The following PITPNC1 variants were observed in gnomAD, a reference collection of about 807,000 sequenced individuals.
PITPNC1 encodes the protein phosphatidylinositol transfer protein cytoplasmic 1, also known as cytoplasmic phosphatidylinositol transfer protein 1.
Under a neutral mutation model 44.7 loss-of-function variants are expected in PITPNC1, and 18 were observed. That is an observed-to-expected ratio of 0.40 (90% CI 0.28 to 0.60). The LOEUF (loss-of-function observed/expected upper bound fraction) is 0.60, where lower values mean the gene tolerates loss of function less well. Among genes scored for constraint, PITPNC1 ranks in the 20% least tolerant of loss-of-function variants. PITPNC1 has a pLI of 0.39. For missense variants in PITPNC1, 290 were observed against 418.4 expected (o/e 0.69, Z 2.68); for synonymous variants, 141 against 149.6 (o/e 0.94, Z 0.42).
intron 1 of PITPNC1, among the ~76,000 whole-genome samples, chr17:67,395,673 C>A (rs1243659381): frequency 6.6e-6 from 1 of 152,022 alleles, no homozygotes; most frequent in African/African-American, 2.4e-5. Context: ...AATCATCATT[C>A]GGGATTATTG....
At chr17:67,615,614 C>T (rs2041748077) in intron 5 of PITPNC1, among the ~76,000 whole-genome samples, 1 of 152,108 alleles carries the variant, frequency 6.6e-6, no homozygotes, top group African/African-American at 2.4e-5. Flanking sequence ...TCAAATTCAC[C>T]TCCACATGGC....
intron 1 of PITPNC1, among the ~76,000 whole-genome samples, chr17:67,494,055 T>G (rs1449065028): frequency 2.0e-5 from 3 of 152,216 alleles, no homozygotes; most frequent in African/African-American, 7.2e-5. Flanking sequence ...CTTGCGGAGC[T>G]GACCTTCCAG....
intron 4 of PITPNC1, among the ~76,000 whole-genome samples, chr17:67,571,274 T>TA (rs559235866): frequency 2.4e-4 from 37 of 151,774 alleles, no homozygotes; most frequent in Non-Finnish European, 4.6e-4. Flanking sequence ...CTACTAAAAG[T>TA]AAAAAAAATT....
At chr17:67,445,956 G>T (rs567610763) in intron 1 of PITPNC1, among the ~76,000 whole-genome samples, 96 of 151,062 alleles carry the variant, frequency 6.4e-4, no homozygotes, top group African/African-American at 1.4e-3. Flanking sequence ...ATTTTTTTTG[G>T]TTTTTTTTGA....
intron 5 of PITPNC1, among the ~76,000 whole-genome samples, chr17:67,587,099 G>A (rs1243184788): frequency 6.6e-6 from 1 of 152,168 alleles, no homozygotes; most frequent in East Asian, 1.9e-4. Context: ...AACAGTGGAG[G>A]AGAAGCAGGT....
intron 4 of PITPNC1, among the ~76,000 whole-genome samples, chr17:67,574,900 C>T (rs1005319762): frequency 6.6e-6 from 1 of 152,146 alleles, no homozygotes; most frequent in Admixed American, 6.5e-5. Context: ...CTCCTAGCCT[C>T]GTGGCAAGGT....
At chr17:67,465,533 A>G (rs1480488006) in intron 1 of PITPNC1, among the ~76,000 whole-genome samples, 6 of 152,184 alleles carry the variant, frequency 3.9e-5, no homozygotes, top group Non-Finnish European at 8.8e-5. Flanking sequence ...CAGGGTGCCC[A>G]GGAACTAGCA....
chr17:67,654,404 A>G (rs2042241273), intron 6 of PITPNC1, among the ~76,000 whole-genome samples: 1 of 152,198 alleles, frequency 6.6e-6, no homozygotes, highest in Admixed American at 6.5e-5. Flanking sequence ...ACAGGATAAC[A>G]ATAAACTCAT....
At chr17:67,428,550 AAAG>A (rs1361568863) in intron 1 of PITPNC1, among the ~76,000 whole-genome samples, 3 of 150,532 alleles carry the variant, frequency 2.0e-5, no homozygotes, top group Non-Finnish European at 2.9e-5. Flanking sequence ...AAAAAAAAAA[AAAG>A]AAAGAAAGAA....
chr17:67,443,186 G>T (rs2039040779), intron 1 of PITPNC1, among the ~76,000 whole-genome samples: 1 of 151,992 alleles, frequency 6.6e-6, no homozygotes, highest in Non-Finnish European at 1.5e-5. Flanking sequence ...CACCTCTCTT[G>T]CCTCATCAAA....
chr17:67,667,256 C>T (rs375553515), intron 6 of PITPNC1, among the ~76,000 whole-genome samples: 4 of 152,164 alleles, frequency 2.6e-5, no homozygotes, highest in South Asian at 2.1e-4. Flanking sequence ...TGGCTGGGCC[C>T]GGTGACCCAC....
intron 1 of PITPNC1, among the ~76,000 whole-genome samples, chr17:67,445,467 A>G (rs909426186): frequency 2.0e-5 from 3 of 152,024 alleles, no homozygotes; most frequent in South Asian, 4.1e-4. Flanking sequence ...TTGCATTCAC[A>G]CTTGTGACAT....
chr17:67,428,538 GAAA>G (rs1218683922), intron 1 of PITPNC1, among the ~76,000 whole-genome samples: 1 of 89,608 alleles, frequency 1.1e-5, no homozygotes, highest in Admixed American at 1.2e-4. Flanking sequence ...ATCTCAAAAA[GAAA>G]AAAAAAAAAA....
intron 8 of PITPNC1, among the ~76,000 whole-genome samples, chr17:67,680,221 A>G (rs2042677011): frequency 6.6e-6 from 1 of 152,164 alleles, no homozygotes; most frequent in Non-Finnish European, 1.5e-5. Context: ...GGAGAGAATG[A>G]ATAACTTTCC....
chr17:67,656,949 T>C (rs2042275857), intron 6 of PITPNC1, among the ~76,000 whole-genome samples: 1 of 152,054 alleles, frequency 6.6e-6, no homozygotes, highest in African/African-American at 2.4e-5. Flanking sequence ...GGTCAACCGA[T>C]GTGTGAAGGG....
intron 5 of PITPNC1, among the ~76,000 whole-genome samples, chr17:67,583,758 G>T (rs1203915645): frequency 1.8e-5 from 1 of 54,224 alleles, no homozygotes; most frequent in Non-Finnish European, 3.7e-5. Context: ...GCAGTGGCGC[G>T]ATCTCAGCTC....
intron 1 of PITPNC1, among the ~76,000 whole-genome samples, chr17:67,446,094 G>T (rs1051292233): frequency 3.3e-5 from 5 of 151,964 alleles, no homozygotes; most frequent in African/African-American, 1.2e-4. Context: ...TTACAGGCGT[G>T]CGCCACCATG....
intron 5 of PITPNC1, among the ~76,000 whole-genome samples, chr17:67,591,067 A>G (rs1215063847): frequency 6.6e-6 from 1 of 152,240 alleles, no homozygotes; most frequent in East Asian, 1.9e-4. Flanking sequence ...CTAGCATCAG[A>G]AATGATATGA....
intron 5 of PITPNC1, among the ~76,000 whole-genome samples, chr17:67,614,952 C>T (rs1303878965): frequency 6.6e-6 from 1 of 152,002 alleles, no homozygotes; most frequent in East Asian, 1.9e-4. Flanking sequence ...GGTTTCTCCC[C>T]ATTGGGGAAA....
Sources: gnomAD v4.1 joint callset for allele counts (sites outside exome capture counted in the v4.1 genomes callset) on GRCh38, gnomAD v4.1.1 for gene constraint, MANE v1.5 for transcripts, NCBI Gene and HGNC (gene_info 2026-07-23, HGNC 2026-07-21) for gene names.